The following LEKR1 variants were observed in gnomAD, a reference collection of about 807,000 sequenced individuals.
LEKR1 encodes the protein leucine, glutamate and lysine rich 1.
LEKR1 carries 59 observed loss-of-function variants against 72.4 expected under a neutral mutation model. That is an observed-to-expected ratio of 0.82 (90% CI 0.66 to 1.01). LEKR1 has a LOEUF of 1.01. Among genes scored for constraint, LEKR1 ranks in the 50% least tolerant of loss-of-function variants. LEKR1 has a pLI of 0.00. For missense variants in LEKR1, 728 were observed against 759.2 expected, an observed-to-expected ratio of 0.96 and a Z score of 0.48; for synonymous variants, 257 against 263.2, an observed-to-expected ratio of 0.98 and a Z score of 0.23.
chr3:156,828,327 G>C (rs1179684532), intron 1 of LEKR1, among the ~76,000 whole-genome samples: 1 of 152,152 alleles, frequency 6.6e-6, no homozygotes, highest in East Asian at 1.9e-4. Flanking sequence ...CTCTCTGATA[G>C]AGTACTTTGC....
At chr3:156,878,345 A>G (rs1718867114) in intron 3 of LEKR1, among the ~76,000 whole-genome samples, 1 of 152,152 alleles carries the variant, frequency 6.6e-6, no homozygotes, top group South Asian at 2.1e-4. Flanking sequence ...AATCAGCTCA[A>G]AGAGTTTTTA....
chr3:156,918,562 G>A (rs992546829), intron 3 of LEKR1, among the ~76,000 whole-genome samples: 5 of 152,048 alleles, frequency 3.3e-5, no homozygotes, highest in Non-Finnish European at 5.9e-5. Context: ...GGCCCTATAT[G>A]ATATTAGCAC....
At chr3:156,982,367 G>A (rs1409019159) in intron 7 of LEKR1, among the ~76,000 whole-genome samples, 1 of 67,082 alleles carries the variant, frequency 1.5e-5, no homozygotes. Flanking sequence ...TATGGTGCCT[G>A]CAGGCAGGAA....
chr3:156,861,601 A>G (rs1219670995), intron 3 of LEKR1, among the ~76,000 whole-genome samples: 1 of 152,104 alleles, frequency 6.6e-6, no homozygotes, highest in Non-Finnish European at 1.5e-5. Flanking sequence ...GCATAGGAAC[A>G]TGGGAAAGGC....
In LEKR1 at chr3:156,950,419, G is replaced by A. The variant is rs558506745; in HGVS notation, c.745+7705G>A. Reference sequence around the variant, plus strand: ...AGGAATAGCATTGAATCTGTAAATTGCTTTGGGCAGTATGGCCATTTTACT... The same window carrying A: ...AGGAATAGCATTGAATCTGTAAATTACTTTGGGCAGTATGGCCATTTTACT... On this transcript the variant is annotated intron_variant, in intron 6 of 12. Transcript: ENST00000356539. Among the ~76,000 whole-genome samples, 3 of 151,482 alleles carry A rather than the reference G, an allele frequency of 2.0e-5. No homozygotes were observed. In the East Asian group the frequency reaches 5.8e-4, roughly 29 times the overall value.
At chr3:157,001,743 A>G (rs1447785247) in intron 9 of LEKR1, among the ~76,000 whole-genome samples, 1 of 152,200 alleles carries the variant, frequency 6.6e-6, no homozygotes, top group Non-Finnish European at 1.5e-5. Flanking sequence ...AGCTTGAGTT[A>G]GCTTTGTCAC....
At chr3:156,997,126 G>A (rs17383603) in intron 9 of LEKR1, among the ~76,000 whole-genome samples, 6,903 of 149,540 alleles carry the variant, frequency 0.046, 206 homozygotes, top group Middle Eastern at 0.087. Context: ...TGACATTACT[G>A]TCCTAACTTG....
chr3:156,865,698 A>G (rs988006667), intron 3 of LEKR1, among the ~76,000 whole-genome samples: 1 of 151,914 alleles, frequency 6.6e-6, no homozygotes, highest in African/African-American at 2.4e-5. Context: ...TCATAGGTTC[A>G]TGTTTTCTTT....
chr3:156,864,063 A>G (rs1353154116), intron 3 of LEKR1, among the ~76,000 whole-genome samples: 7 of 152,066 alleles, frequency 4.6e-5, no homozygotes, highest in Non-Finnish European at 1.5e-5. Context: ...AATTATTTTA[A>G]TCAACTAAAG....
intron 6 of LEKR1, among the ~76,000 whole-genome samples, chr3:156,975,782 TA>T (rs1034834632): frequency 6.6e-6 from 1 of 152,220 alleles, no homozygotes; most frequent in Non-Finnish European, 1.5e-5. Context: ...CACATCATAG[TA>T]GAATTTACTG....
chr3:156,850,070 C>T (rs1715157577), intron 2 of LEKR1, among the ~76,000 whole-genome samples: 1 of 151,904 alleles, frequency 6.6e-6, no homozygotes, highest in Non-Finnish European at 1.5e-5. Context: ...AAGAAAAAAA[C>T]AAACAATCCC....
chr3:156,867,225 G>T lies in LEKR1; in HGVS notation c.263+14243G>T, dbSNP rs373633348. On this transcript the variant is annotated intron_variant, in intron 3 of 12. Coordinates refer to ENST00000356539, the MANE Select transcript of LEKR1 (RefSeq NM_001004316.3). The stretch of plus-strand genomic sequence containing the variant: ...AGTAGTATAATTCTCTGCTGAGATA[G>T]CTTATTATAAGTAAGACGACTATAA... Among the ~76,000 whole-genome samples the T allele has an allele frequency of 2.7e-4, 41 of 152,218 alleles. No homozygotes were observed. The South Asian group carries it at 8.5e-3, about 32-fold the overall frequency.
At chr3:157,026,647 T>A (rs1474226462) in intron 11 of LEKR1, among the ~76,000 whole-genome samples, 3 of 152,236 alleles carry the variant, frequency 2.0e-5, no homozygotes, top group Non-Finnish European at 4.4e-5. Context: ...AAATTTAACA[T>A]TTGAAACAAA....
chr3:157,043,662 A>C (rs1241952849), intron 12 of LEKR1, among the ~76,000 whole-genome samples: 1 of 152,184 alleles, frequency 6.6e-6, no homozygotes, highest in Admixed American at 6.5e-5. Context: ...TGGGAGCAGG[A>C]AATAAGATGA....
chr3:156,962,749 T>A (rs927626790), intron 6 of LEKR1, among the ~76,000 whole-genome samples: 1 of 152,222 alleles, frequency 6.6e-6, no homozygotes, highest in African/African-American at 2.4e-5. Flanking sequence ...CTCCTTATAA[T>A]GGTTGTCATT....
At chr3:156,829,763 C>G (rs1712120665) in intron 2 of LEKR1, among the ~76,000 whole-genome samples, 1 of 152,128 alleles carries the variant, frequency 6.6e-6, no homozygotes, top group African/African-American at 2.4e-5. Flanking sequence ...CCCTTTTATG[C>G]AGATGACCCT....
chr3:156,969,693 A>C (rs1728979569), intron 6 of LEKR1, among the ~76,000 whole-genome samples: 1 of 152,244 alleles, frequency 6.6e-6, no homozygotes, highest in African/African-American at 2.4e-5. Flanking sequence ...TACCAGAGGT[A>C]CAAGGAGGAG....
chr3:156,966,087 A>C (rs1028118784), intron 6 of LEKR1, among the ~76,000 whole-genome samples: 21 of 152,184 alleles, frequency 1.4e-4, no homozygotes, highest in African/African-American at 4.8e-4. Context: ...TAACTAAATA[A>C]ATAATTTAAA....
At chr3:156,930,571 T>C (rs1391143162) in intron 5 of LEKR1, among the ~76,000 whole-genome samples, 1 of 152,030 alleles carries the variant, frequency 6.6e-6, no homozygotes, top group Non-Finnish European at 1.5e-5. Context: ...TACTAAAAAA[T>C]TAAATACAGA....
Sources: gnomAD v4.1 joint callset for allele counts (sites outside exome capture counted in the v4.1 genomes callset) on GRCh38, gnomAD v4.1.1 for gene constraint, MANE v1.5 for transcripts, NCBI Gene and HGNC (gene_info 2026-07-23, HGNC 2026-07-21) for gene names.